Variants in SSPN observed in about 807,000 individuals in gnomAD.
SSPN encodes the protein sarcospan.
A neutral mutation model predicts 19.1 loss-of-function variants in SSPN; 15 were observed. The ratio of observed to expected loss-of-function variants is 0.78; its 90% CI spans 0.52 to 1.21. The LOEUF (loss-of-function observed/expected upper bound fraction) is 1.21, where lower values mean the gene tolerates loss of function less well. Among genes scored for constraint, SSPN ranks in the 50% most tolerant of loss-of-function variants. The pLI is 0.00. For synonymous variants in SSPN, 147 were observed against 140.3 expected (o/e 1.05, Z -0.34); for missense variants, 291 against 314.0 (o/e 0.93, Z 0.55).
In SSPN at chr12:26,233,355, T is replaced by TATATATATATATATATATATATATAC. The variant is rs766583720; in HGVS notation, c.*2280_*2281insTATATATATATATATATATATATACA. 5.2e-4 allele frequency: 76 copies of TATATATATATATATATATATATATAC among 146,556 alleles called. 2 individuals are homozygous for TATATATATATATATATATATATATAC. Among genetic ancestry groups the TATATATATATATATATATATATATAC allele is most frequent in the African/African-American group, 1.9e-3 (73 of 37,932 alleles). The allele number at this position is 146,556 out of a possible 1,614,324, so 9.1% of individuals were successfully genotyped here. On this transcript the variant is annotated 3_prime_UTR_variant, in exon 3 of 3. Transcript: ENST00000242729. The surrounding 1 kb of genome is among the most constrained non-coding windows in gnomAD (Gnocchi z 4.3). ...AGATATATATATATATATATACACA[T>TATATATATATATATATATATATATAC]ACACACACACACACACATATATACT...
intron 1 of SSPN, among the ~76,000 whole-genome samples, chr12:26,139,007 G>A (rs774438411): frequency 6.6e-6 from 1 of 152,172 alleles, no homozygotes; most frequent in Non-Finnish European, 1.5e-5. Context: ...AGGTTTAGAT[G>A]TAAGCAGTAG....
At chr12:26,124,257 C>G in intron 1 of SSPN, 1 of 524,508 alleles carries the variant, frequency 1.9e-6, no homozygotes, top group Non-Finnish European at 3.3e-6. Context: ...TCGTCTGCCC[C>G]CCCCGCCCCC....
Position 26,196,507 on chromosome 12 carries a change from C to A in SSPN, c.279+556C>A, listed in dbSNP as rs78676635. 3.4e-3 allele frequency among the ~76,000 whole-genome samples: 519 copies of A among 152,298 alleles called. 4 individuals carry two copies. The highest frequency in any genetic ancestry group is 0.012 in the African/African-American group (489 of 41,572). On this transcript the variant is annotated intron_variant, in intron 1 of 2. Transcript: ENST00000242729. Reference sequence around the variant, plus strand: ...ATACAGCAAGCACAGCCTTAATCCACTGGAGTCTAAAGTGGGATAAACCCA... The same window carrying A: ...ATACAGCAAGCACAGCCTTAATCCAATGGAGTCTAAAGTGGGATAAACCCA...
intron 1 of SSPN, among the ~76,000 whole-genome samples, chr12:26,198,396 T>A (rs976550324): frequency 2.0e-5 from 3 of 152,256 alleles, no homozygotes; most frequent in Non-Finnish European, 4.4e-5. Context: ...TTAACTTCTC[T>A]AGGTTTCCAT....
At chr12:26,219,304 A>G (rs1945093227) in intron 1 of SSPN, among the ~76,000 whole-genome samples, 1 of 152,204 alleles carries the variant, frequency 6.6e-6, no homozygotes, top group African/African-American at 2.4e-5. Flanking sequence ...GATACCTTCC[A>G]GCTATGACAA....
chr12:26,199,496 A>G (rs575955002), intron 1 of SSPN, among the ~76,000 whole-genome samples: 4 of 152,350 alleles, frequency 2.6e-5, no homozygotes, highest in Admixed American at 1.3e-4. Flanking sequence ...TACCGCAATG[A>G]CAAAACAAAG....
intron 1 of SSPN, among the ~76,000 whole-genome samples, chr12:26,204,634 G>A (rs893625242): frequency 6.6e-6 from 1 of 151,220 alleles, no homozygotes; most frequent in Admixed American, 6.6e-5. Flanking sequence ...CCCCCCACCC[G>A]CCCTTTGAGC....
intron 1 of SSPN, among the ~76,000 whole-genome samples, chr12:26,218,233 C>T (rs1198176816): frequency 8.8e-5 from 11 of 124,538 alleles, no homozygotes; most frequent in African/African-American, 1.5e-4. Flanking sequence ...AACCAAACAC[C>T]GCATATTCTC....
intron 1 of SSPN, among the ~76,000 whole-genome samples, chr12:26,137,757 T>TG (rs1944436829): frequency 6.8e-6 from 1 of 146,244 alleles, no homozygotes; most frequent in Non-Finnish European, 1.5e-5. Flanking sequence ...TGCCACCTCC[T>TG]CTTTTCAAGC....
At chr12:26,201,035 A>ATG (rs1444272315) in intron 1 of SSPN, among the ~76,000 whole-genome samples, 1 of 56,238 alleles carries the variant, frequency 1.8e-5, no homozygotes, top group Non-Finnish European at 3.3e-5. Flanking sequence ...ATATATATAT[A>ATG]TATATATATA....
chr12:26,199,395 C>G (rs1160492924), intron 1 of SSPN, among the ~76,000 whole-genome samples: 1 of 152,134 alleles, frequency 6.6e-6, no homozygotes, highest in Non-Finnish European at 1.5e-5. Flanking sequence ...GAAAAAAACC[C>G]AGAATGGAGT....
chr12:26,220,883 T>A (rs1945113036), intron 1 of SSPN, among the ~76,000 whole-genome samples: 1 of 152,112 alleles, frequency 6.6e-6, no homozygotes, highest in Non-Finnish European at 1.5e-5. Context: ...ACACACCCAC[T>A]CCCTATCCCT....
At chr12:26,173,403 T>G (rs1174810912) in intron 1 of SSPN, among the ~76,000 whole-genome samples, 2 of 152,216 alleles carry the variant, frequency 1.3e-5, no homozygotes. Flanking sequence ...AACTACAGAT[T>G]CAGCCACTCC....
chr12:26,122,581 C>T, intron 1 of SSPN: 1 of 1,109,446 alleles, frequency 9.0e-7, no homozygotes, highest in Non-Finnish European at 1.1e-6. Flanking sequence ...AGCGCGGCCG[C>T]GGCGGCAGGG....
chr12:26,150,720 G>A (rs1944520656), intron 1 of SSPN, among the ~76,000 whole-genome samples: 1 of 152,214 alleles, frequency 6.6e-6, no homozygotes, highest in Admixed American at 6.5e-5. Context: ...CCAGCATAAA[G>A]CCAAATGCTG....
intron 1 of SSPN, among the ~76,000 whole-genome samples, chr12:26,181,983 C>T (rs534090088): frequency 3.3e-5 from 5 of 152,172 alleles, no homozygotes; most frequent in South Asian, 2.1e-4. Context: ...CTGTGTGACA[C>T]GTTATTTTGA....
intron 1 of SSPN, among the ~76,000 whole-genome samples, chr12:26,154,147 GT>G (rs1180070356): frequency 6.6e-6 from 1 of 152,168 alleles, no homozygotes; most frequent in African/African-American, 2.4e-5. Flanking sequence ...GCTCAAAAAG[GT>G]ACTATGAAAA....
intron 1 of SSPN, among the ~76,000 whole-genome samples, chr12:26,130,793 C>A (rs188396961): frequency 6.6e-6 from 1 of 152,260 alleles, no homozygotes; most frequent in Non-Finnish European, 1.5e-5. Flanking sequence ...CACTCTCCAC[C>A]AGCGTCTATC....
At chr12:26,174,444 T>C (rs2137435402) in intron 1 of SSPN, among the ~76,000 whole-genome samples, 1 of 145,160 alleles carries the variant, frequency 6.9e-6, no homozygotes, top group East Asian at 2.0e-4. Flanking sequence ...CCCTTAGTAA[T>C]CCCTACCTCC....
Sources: gnomAD v4.1 joint callset for allele counts (sites outside exome capture counted in the v4.1 genomes callset) on GRCh38, gnomAD v4.1.1 for gene constraint, Gnocchi (gnomAD v3.1) non-coding constraint, MANE v1.5 for transcripts, NCBI Gene and HGNC (gene_info 2026-07-23, HGNC 2026-07-21) for gene names.